Variants in NLRC5 observed in about 807,000 individuals in gnomAD.
The protein encoded by NLRC5 is protein NLRC5.
Under a neutral mutation model 206.9 loss-of-function variants are expected in NLRC5, and 114 were observed. That is an observed-to-expected ratio of 0.55 (90% CI 0.47 to 0.64). The LOEUF (loss-of-function observed/expected upper bound fraction) is 0.64, where lower values mean the gene tolerates loss of function less well. NLRC5 is among the 30% of genes least tolerant of loss of function. The pLI, the probability that NLRC5 is intolerant of heterozygous loss-of-function variation, is 0.00. For synonymous variants in NLRC5, 952 were observed against 962.8 expected (o/e 0.99, Z 0.21); for missense variants, 2,008 against 2,305.5 (o/e 0.87, Z 2.64).
At chr16:57,021,886 C>T (rs1348231954) in intron 3 of NLRC5, among the ~76,000 whole-genome samples, 5 of 152,030 alleles carry the variant, frequency 3.3e-5, no homozygotes, top group South Asian at 2.1e-4. Context: ...GTGGGAATTG[C>T]GGGGGGCGGG....
At chr16:57,007,008 A>G (rs1340191166) in intron 1 of NLRC5, among the ~76,000 whole-genome samples, 1 of 151,800 alleles carries the variant, frequency 6.6e-6, no homozygotes, top group South Asian at 2.1e-4. Flanking sequence ...TTCCTTGCAC[A>G]TTGGGGAAAT....
intron 1 of NLRC5, among the ~76,000 whole-genome samples, chr16:56,998,822 A>C (rs1461020359): frequency 6.6e-6 from 1 of 152,252 alleles, no homozygotes; most frequent in African/African-American, 2.4e-5. Flanking sequence ...TTTCCTGTAC[A>C]TAATCCCACA....
At chr16:57,043,033 G>C (rs573339264) in intron 19 of NLRC5, among the ~76,000 whole-genome samples, 1 of 152,128 alleles carries the variant, frequency 6.6e-6, no homozygotes, top group Non-Finnish European at 1.5e-5. Flanking sequence ...GTCCACACTC[G>C]CCCTACCAGT....
chr16:57,023,769 T>A lies in NLRC5; in HGVS notation c.356-16T>A, dbSNP rs1471665484. On this transcript the variant is annotated splice_polypyrimidine_tract_variant and intron_variant, in intron 4 of 48. Coordinates refer to ENST00000688547, the MANE Select transcript of NLRC5 (RefSeq NM_001384950.1). ...CCCCAGACCCCACTCCTCCACCCCT[T>A]CCTTTGCTTTTTCAGGCCTGAAGCG... 6.2e-7 allele frequency: 1 copy of A among 1,607,014 alleles called. No homozygotes were observed. The highest frequency in any genetic ancestry group is 8.5e-7 in the Non-Finnish European group (1 of 1,176,056).
chr16:57,003,961 C>T (rs1317042518), intron 1 of NLRC5: 2 of 152,094 alleles, frequency 1.3e-5, no homozygotes, highest in African/African-American at 2.4e-5. Context: ...AGGCATTTGC[C>T]CTCACCAAGA....
chr16:57,026,787 TG>T lies in NLRC5; in HGVS notation c.1845del (p.Cys616ValfsTer31). ...RKLTGPKVVE[L>X]CHCVDETQEP... ...CTCACAGGGCCAAAGGTTGTAGAGC[TG>T]TGTCACTGTGTGGATGAGACACAGG... On this transcript the variant is annotated frameshift_variant, in exon 6 of 49. Coordinates refer to ENST00000688547, the MANE Select transcript of NLRC5 (RefSeq NM_001384950.1). LOFTEE classifies it high-confidence loss of function. 1 of 1,614,150 alleles carries T rather than the reference TG, an allele frequency of 6.2e-7. No individual in the cohort carries two copies. Among genetic ancestry groups the T allele is most frequent in the Non-Finnish European group, 8.5e-7 (1 of 1,180,004 alleles).
intron 13 of NLRC5, chr16:57,034,955 G>A (rs2062353139): frequency 6.6e-6 from 1 of 152,278 alleles, no homozygotes; most frequent in South Asian, 2.1e-4. Flanking sequence ...GGGTAAGACG[G>A]ATAGGGGTGA....
Position 57,047,569 on chromosome 16 carries a change from C to T in NLRC5, c.3363C>T (p.Pro1121=), listed in dbSNP as rs2064166736. 1.2e-6 allele frequency: 2 copies of T among 1,612,432 alleles called. No individual in the cohort carries two copies. The highest frequency in any genetic ancestry group is 1.7e-6 in the Non-Finnish European group (2 of 1,179,490). The change falls in exon 23 of 49, where the codon CCC becomes CCT. Residue 1121 remains proline, a synonymous_variant. Coordinates refer to ENST00000688547, the MANE Select transcript of NLRC5 (RefSeq NM_001384950.1). ...SLCLSECPLE[P]PSLTRLCATL... The stretch of plus-strand genomic sequence containing the variant: ...GCCTCAGTGAGTGTCCTCTGGAGCC[C>T]CCAAGCCTCACCCGCCTCTGTGCCA...
At chr16:57,054,683 C>T (rs1030978130) in intron 24 of NLRC5, 68 bp from the exon 25 acceptor site, 1 of 1,133,456 alleles carries the variant, frequency 8.8e-7, no homozygotes, top group Admixed American at 1.7e-5. Context: ...CCTCCCTTTC[C>T]TTACCCTCCA....
At chr16:57,077,854 G>A in intron 42 of NLRC5, 52 bp downstream of exon 42, 1 of 1,591,614 alleles carries the variant, frequency 6.3e-7, no homozygotes, top group Non-Finnish European at 8.6e-7. Flanking sequence ...AGGTCCACCT[G>A]GCCTCCTCTC....
chr16:57,030,720 G>T (rs1354172445), intron 10 of NLRC5, among the ~76,000 whole-genome samples: 1 of 152,164 alleles, frequency 6.6e-6, no homozygotes, highest in Non-Finnish European at 1.5e-5. Flanking sequence ...GGAATAATTA[G>T]CTGTGTGTTG....
At chr16:57,032,927 G>A (rs2062049349) in intron 11 of NLRC5, among the ~76,000 whole-genome samples, 1 of 151,948 alleles carries the variant, frequency 6.6e-6, no homozygotes, top group Non-Finnish European at 1.5e-5. Flanking sequence ...GAGCCCAGGA[G>A]TTTGAGGCTG....
At chr16:57,059,564 A>G in intron 30 of NLRC5, 32 bp downstream of exon 30, 1 of 1,572,128 alleles carries the variant, frequency 6.4e-7, no homozygotes, top group Non-Finnish European at 8.7e-7. Flanking sequence ...GACAGGGGAC[A>G]GAGAGGGGAG....
intron 23 of NLRC5, 89 bp from the exon 24 acceptor site, chr16:57,051,449 C>G: frequency 1.1e-6 from 1 of 913,342 alleles, no homozygotes; most frequent in Non-Finnish European, 1.8e-6. Context: ...CTGGTTAGGT[C>G]CCATCTCCAG....
At chr16:57,067,307 T>G (rs778241791) in intron 34 of NLRC5, 80 bp from the exon 35 acceptor site, 86 of 1,130,734 alleles carry the variant, frequency 7.6e-5, no homozygotes, top group South Asian at 3.6e-4. Flanking sequence ...CCCTACACCA[T>G]AAGCTCCTTG....
At chr16:57,047,459 T>A (rs1352835628) in intron 22 of NLRC5, 86 bp from the exon 23 acceptor site, 2 of 1,190,408 alleles carry the variant, frequency 1.7e-6, no homozygotes, top group Non-Finnish European at 2.4e-6. Context: ...GAGTGAGGGA[T>A]GCTGGGAGAA....
chr16:57,025,445 C>A lies in NLRC5; in HGVS notation c.502C>A (p.Gln168Lys), dbSNP rs1597219532. ...CAGGAGCCAAATCCCTGGGTCAGGG[C>A]AGCCCCACGCCTTCCACCAGGTCTA... ...RYRSQIPGSG[Q>K]PHAFHQVYVP... Residue 168 changes from glutamine (Q) to lysine (K), a missense_variant, in exon 6 of 49, where the codon CAG becomes AAG. Coordinates refer to ENST00000688547, the MANE Select transcript of NLRC5 (RefSeq NM_001384950.1). 1.2e-6 allele frequency: 2 copies of A among 1,605,550 alleles called. No homozygotes were observed. Among genetic ancestry groups the A allele is most frequent in the East Asian group, 4.5e-5 (2 of 44,828 alleles).
At position 57,039,849 on chromosome 16, in the gene NLRC5, G is replaced by A; in HGVS notation, c.2870G>A (p.Arg957Lys). The A allele has an allele frequency of 6.2e-7, 1 of 1,613,446 alleles. No homozygotes were observed. The highest frequency in any genetic ancestry group is 8.5e-7 in the Non-Finnish European group (1 of 1,179,364). The change falls in exon 16 of 49, where the codon AGG becomes AAG. Residue 957 changes from arginine (R) to lysine (K), a missense_variant and splice_region_variant. Arg to Lys is a conservative substitution (Grantham distance 26). Transcript: ENST00000688547. ...EPEEQKGPQE[R>K]AAFLDSLMLQ... is the part of the protein sequence containing the mutation. ...GAGGAGCAGAAGGGGCCCCAGGAGAGGTAGGGCCCGATTTCACCCCAACTC... is the reference window on the plus strand; with the variant it reads ...GAGGAGCAGAAGGGGCCCCAGGAGAAGTAGGGCCCGATTTCACCCCAACTC...
chr16:57,003,155 G>T (rs1280738843), intron 1 of NLRC5, among the ~76,000 whole-genome samples: 6 of 152,120 alleles, frequency 3.9e-5, no homozygotes, highest in African/African-American at 1.4e-4. Context: ...CGTCTCTTGG[G>T]TTCAAGCTAT....
Sources: allele counts gnomAD v4.1 joint callset (sites outside exome capture counted in the v4.1 genomes callset), GRCh38; gene constraint gnomAD v4.1.1; transcripts MANE v1.5; gene names NCBI Gene and HGNC (gene_info 2026-07-23, HGNC 2026-07-21).